The following SPATA6 variants were observed in gnomAD, a reference collection of about 807,000 sequenced individuals.
The protein encoded by SPATA6 is spermatogenesis-associated protein 6.
SPATA6 carries 56 observed loss-of-function variants against 65.3 expected under a neutral mutation model. The observed-to-expected ratio is 0.86, with a 90% CI of 0.69 to 1.07. SPATA6 has a LOEUF of 1.07. SPATA6 is among the 50% of genes least tolerant of loss of function. The pLI, the probability that SPATA6 is intolerant of heterozygous loss-of-function variation, is 0.00. For synonymous variants in SPATA6, 199 were observed against 213.2 expected (o/e 0.93, Z 0.58); for missense variants, 590 against 594.8 (o/e 0.99, Z 0.08).
At chr1:48,426,264 A>G (rs1326786941) in intron 3 of SPATA6, among the ~76,000 whole-genome samples, 1 of 152,216 alleles carries the variant, frequency 6.6e-6, no homozygotes, top group Non-Finnish European at 1.5e-5. Context: ...AAGCACAGTC[A>G]ATCAATTTGA....
intron 10 of SPATA6, among the ~76,000 whole-genome samples, chr1:48,358,010 A>C (rs942225753): frequency 1.2e-4 from 18 of 152,074 alleles, no homozygotes; most frequent in African/African-American, 3.9e-4. Context: ...CATTAGAATC[A>C]CTCATTTTCT....
chr1:48,399,968 TGC>T (rs1651003512), intron 6 of SPATA6, among the ~76,000 whole-genome samples: 1 of 13,046 alleles, frequency 7.7e-5, no homozygotes, highest in Non-Finnish European at 3.5e-3. Context: ...ACTAAAAAAG[TGC>T]AAACATTGGT....
chr1:48,420,494 T>C (rs1302340927), intron 3 of SPATA6, among the ~76,000 whole-genome samples: 1 of 152,124 alleles, frequency 6.6e-6, no homozygotes, highest in Non-Finnish European at 1.5e-5. Flanking sequence ...ATCTGTGGGA[T>C]CTGACACTAT....
chr1:48,278,798 G>C, the SPATA6 span, among the ~76,000 whole-genome samples: 20 of 152,234 alleles, frequency 1.3e-4, no homozygotes, highest in African/African-American at 4.1e-4. Context: ...TCTAGCAAGG[G>C]AGGCCAACAT....
chr1:48,371,270 TATAG>T (rs59198017), intron 9 of SPATA6, among the ~76,000 whole-genome samples: 14,034 of 131,612 alleles, frequency 0.11, 788 homozygotes, highest in African/African-American at 0.14. Context: ...TATGTATCTA[TATAG>T]ATAGATAGAT....
chr1:48,467,686 T>A (rs1349397108), intron 1 of SPATA6, among the ~76,000 whole-genome samples: 1 of 152,046 alleles, frequency 6.6e-6, no homozygotes, highest in Non-Finnish European at 1.5e-5. Context: ...ATCCAAAATA[T>A]GTAAGGACCC....
rs1650968519 is a variant in SPATA6, at chr1:48,399,620, G to A, written c.511C>T (p.Pro171Ser). The A allele has an allele frequency of 1.3e-6, 2 of 1,593,848 alleles. No homozygotes were observed. The highest frequency in any genetic ancestry group is 1.4e-5 in the African/African-American group (1 of 73,924). Residue 171 changes from proline (P) to serine (S), a missense_variant, in exon 7 of 13, where the codon CCA (proline) becomes TCA (serine). Physicochemically the swap from Pro to Ser is moderately conservative, Grantham distance 74. Coordinates refer to ENST00000371847, the MANE Select transcript of SPATA6 (RefSeq NM_019073.4). ...TQDKFIYHLA[P>S]VEKSHGRLQN... ...AGTCTGCCATGTGATTTTTCAACTG[G>A]AGCCAAATGGTAAATAAATTTATCC...
intron 3 of SPATA6, among the ~76,000 whole-genome samples, chr1:48,435,359 T>C (rs558609760): frequency 2.0e-5 from 3 of 151,202 alleles, no homozygotes; most frequent in African/African-American, 7.3e-5. Flanking sequence ...CAATCAGCAC[T>C]CTGTAAAGAC....
At chr1:48,402,205 T>C (rs1331977505) in intron 6 of SPATA6, among the ~76,000 whole-genome samples, 2 of 152,070 alleles carry the variant, frequency 1.3e-5, no homozygotes, top group African/African-American at 4.8e-5. Flanking sequence ...CAGAGGGAAA[T>C]GTTAGTTCAT....
intron 9 of SPATA6, among the ~76,000 whole-genome samples, chr1:48,380,771 T>G (rs1648474042): frequency 6.6e-6 from 1 of 152,158 alleles, no homozygotes; most frequent in Non-Finnish European, 1.5e-5. Flanking sequence ...TGTGTTTGCA[T>G]AAATTTTAAA....
At chr1:48,281,716 T>C in the SPATA6 span, among the ~76,000 whole-genome samples, 1 of 152,022 alleles carries the variant, frequency 6.6e-6, no homozygotes, top group African/African-American at 2.4e-5. Context: ...CATTCCATGC[T>C]CATGGGTAGG....
At chr1:48,400,710 T>G in intron 6 of SPATA6, 8 of 1,139,558 alleles carry the variant, frequency 7.0e-6, no homozygotes, top group Non-Finnish European at 9.3e-6. Context: ...AAAAGAAAAT[T>G]AATTTTCCTA....
chr1:48,431,931 G>A (rs1361971863), intron 3 of SPATA6, among the ~76,000 whole-genome samples: 3 of 152,066 alleles, frequency 2.0e-5, no homozygotes, highest in Non-Finnish European at 4.4e-5. Context: ...GCAACATGGT[G>A]AAACACTGTC....
At chr1:48,409,265 C>T (rs1651990174) in intron 5 of SPATA6, among the ~76,000 whole-genome samples, 1 of 152,230 alleles carries the variant, frequency 6.6e-6, no homozygotes. Context: ...GCAATCAAAT[C>T]TTAAAGCTCC....
the SPATA6 span, among the ~76,000 whole-genome samples, chr1:48,287,010 G>A: frequency 6.8e-6 from 1 of 147,796 alleles, no homozygotes; most frequent in African/African-American, 2.5e-5. Flanking sequence ...CTGCACTCTT[G>A]CCTGGGTAAC....
At chr1:48,355,817 G>T in intron 10 of SPATA6, 48 bp from the exon 11 acceptor site, 3 of 1,450,570 alleles carry the variant, frequency 2.1e-6, no homozygotes, top group South Asian at 1.2e-5. Flanking sequence ...ATCAGGTAAT[G>T]ATTCTAAGCT....
At chr1:48,432,837 T>C (rs999476056) in intron 3 of SPATA6, among the ~76,000 whole-genome samples, 8 of 152,320 alleles carry the variant, frequency 5.3e-5, no homozygotes, top group Non-Finnish European at 1.0e-4. Context: ...CCCATGTTCA[T>C]AGCAGCATTA....
chr1:48,287,890 A>C, the SPATA6 span, among the ~76,000 whole-genome samples: 20 of 152,234 alleles, frequency 1.3e-4, no homozygotes, highest in Admixed American at 7.2e-4. Flanking sequence ...ATAATCTTAG[A>C]GGAAAAGTTT....
At chr1:48,265,978 T>C in the SPATA6 span, among the ~76,000 whole-genome samples, 1 of 152,214 alleles carries the variant, frequency 6.6e-6, no homozygotes, top group African/African-American at 2.4e-5. Context: ...TTATGCATGG[T>C]GAGTAGATTA....
Sources: allele counts gnomAD v4.1 joint callset (sites outside exome capture counted in the v4.1 genomes callset), GRCh38; gene constraint gnomAD v4.1.1; transcripts MANE v1.5; gene names NCBI Gene and HGNC (gene_info 2026-07-23, HGNC 2026-07-21).